The following SLC5A4 variants were observed in gnomAD, a reference collection of about 807,000 sequenced individuals.
The protein encoded by SLC5A4 is solute carrier family 5 member 4.
In SLC5A4, 55 loss-of-function variants were observed where a neutral mutation model predicts 70.3. The ratio of observed to expected loss-of-function variants is 0.78; its 90% CI spans 0.63 to 0.98. The LOEUF (loss-of-function observed/expected upper bound fraction) is 0.98. Among genes scored for constraint, SLC5A4 ranks in the 50% least tolerant of loss-of-function variants. The probability of loss-of-function intolerance (pLI) is 0.00; values close to 1 mark genes in which losing one functional copy is unlikely to be tolerated. For synonymous variants in SLC5A4, 268 were observed against 305.7 expected (o/e 0.88, Z 1.29); for missense variants, 735 against 839.2 (o/e 0.88, Z 1.53).
chr22:32,257,031 G>A (rs1003421876), upstream of SLC5A4, among the ~76,000 whole-genome samples: 8 of 152,202 alleles, frequency 5.3e-5, no homozygotes, highest in Non-Finnish European at 1.0e-4. Flanking sequence ...TCTTTCCACA[G>A]TGCATAGGAG....
At chr22:32,282,131 C>T in the SLC5A4 span, among the ~76,000 whole-genome samples, 18 of 152,348 alleles carry the variant, frequency 1.2e-4, 1 homozygote, top group East Asian at 3.9e-4. Flanking sequence ...GTGTGAGCCA[C>T]GGCGCTCGGC....
At chr22:32,278,129 C>A in the SLC5A4 span, among the ~76,000 whole-genome samples, 1 of 152,170 alleles carries the variant, frequency 6.6e-6, no homozygotes, top group Non-Finnish European at 1.5e-5. Flanking sequence ...TGTGAAAAGA[C>A]TTTGAGAACA....
At chr22:32,270,448 G>C in the SLC5A4 span, 5 of 1,173,438 alleles carry the variant, frequency 4.3e-6, no homozygotes, top group South Asian at 5.3e-5. Flanking sequence ...GGAGGAGAAA[G>C]AGAATCCCAA....
chr22:32,321,262 G>A, the SLC5A4 span, among the ~76,000 whole-genome samples: 1 of 149,746 alleles, frequency 6.7e-6, no homozygotes, highest in African/African-American at 2.5e-5. Flanking sequence ...CTCCAGCCTG[G>A]GCAATAAGAA....
chr22:32,251,743 A>T, intron 3 of SLC5A4, 27 bp downstream of exon 3: 1 of 1,362,670 alleles, frequency 7.3e-7, no homozygotes, highest in Non-Finnish European at 1.1e-6. Context: ...TTTTGATTTG[A>T]AGGAAAAAGC....
At chr22:32,292,313 T>C in the SLC5A4 span, among the ~76,000 whole-genome samples, 2 of 142,006 alleles carry the variant, frequency 1.4e-5, no homozygotes, top group East Asian at 2.0e-4. Flanking sequence ...TTATATATAT[T>C]TTTCTAATAT....
chr22:32,232,724 C>A (rs1345049525), intron 9 of SLC5A4, among the ~76,000 whole-genome samples, 175 bp downstream of exon 9: 1 of 152,068 alleles, frequency 6.6e-6, no homozygotes, highest in Non-Finnish European at 1.5e-5. Flanking sequence ...AGGAACAGAG[C>A]GTCCAATATG....
chr22:32,280,297 G>A, the SLC5A4 span, among the ~76,000 whole-genome samples: 1 of 152,020 alleles, frequency 6.6e-6, no homozygotes, highest in African/African-American at 2.4e-5. Flanking sequence ...GATTACAGGC[G>A]TGAGCCACCG....
chr22:32,337,370 T>C, the SLC5A4 span, among the ~76,000 whole-genome samples: 2 of 152,058 alleles, frequency 1.3e-5, no homozygotes, highest in Non-Finnish European at 2.9e-5. Flanking sequence ...CTGTCTCTAC[T>C]AAAAATACAG....
chr22:32,353,373 GT>G, the SLC5A4 span, among the ~76,000 whole-genome samples: 1 of 152,238 alleles, frequency 6.6e-6, no homozygotes, highest in African/African-American at 2.4e-5. Context: ...GTGCCCGGGG[GT>G]CCCAGGCAGT....
chr22:32,343,445 G>T, the SLC5A4 span, among the ~76,000 whole-genome samples: 1 of 152,106 alleles, frequency 6.6e-6, no homozygotes, highest in Admixed American at 6.6e-5. Flanking sequence ...AAAACAACAC[G>T]GTAAAAGCAA....
the SLC5A4 span, among the ~76,000 whole-genome samples, chr22:32,315,794 T>TA: frequency 0.014 from 1,385 of 95,904 alleles, 24 homozygotes; most frequent in African/African-American, 0.039. Context: ...CACACTTGCT[T>TA]AAAAAAAAAA....
intron 2 of SLC5A4, 82 bp downstream of exon 2, chr22:32,254,060 C>T (rs768023531): frequency 2.7e-5 from 29 of 1,089,254 alleles, no homozygotes; most frequent in African/African-American, 4.6e-5. Context: ...GGATTACAGG[C>T]GTGAGACACC....
the SLC5A4 span, among the ~76,000 whole-genome samples, chr22:32,307,751 C>T: frequency 9.2e-5 from 14 of 152,304 alleles, no homozygotes; most frequent in East Asian, 2.5e-3. Flanking sequence ...GGCTTGTCTT[C>T]CGGAGGGGAC....
chr22:32,282,094 C>T, the SLC5A4 span, among the ~76,000 whole-genome samples: 7 of 152,206 alleles, frequency 4.6e-5, no homozygotes, highest in Non-Finnish European at 8.8e-5. Context: ...CTGCCCGCCT[C>T]AGCCTCCCAA....
chr22:32,320,999 C>T, the SLC5A4 span, among the ~76,000 whole-genome samples: 3 of 152,146 alleles, frequency 2.0e-5, no homozygotes, highest in East Asian at 3.9e-4. Flanking sequence ...TTTTAAGAAA[C>T]GTTTAAGGCC....
At chr22:32,228,378 T>G (rs185474329) in intron 11 of SLC5A4, among the ~76,000 whole-genome samples, 11 of 151,942 alleles carry the variant, frequency 7.2e-5, no homozygotes, top group African/African-American at 2.7e-4. Flanking sequence ...CTATCTCTAC[T>G]AAAAATACAA....
At chr22:32,252,484 G>C (rs796168321) in intron 2 of SLC5A4, among the ~76,000 whole-genome samples, 2 of 152,278 alleles carry the variant, frequency 1.3e-5, no homozygotes, top group South Asian at 2.1e-4. Context: ...TCATTGTCTG[G>C]AACACAGCCG....
At chr22:32,341,457 C>T in the SLC5A4 span, among the ~76,000 whole-genome samples, 18 of 152,176 alleles carry the variant, frequency 1.2e-4, no homozygotes, top group Non-Finnish European at 2.4e-4. Context: ...ATGACCTTTC[C>T]CCACTTTGGT....
Sources: allele counts gnomAD v4.1 joint callset (sites outside exome capture counted in the v4.1 genomes callset), GRCh38; gene constraint gnomAD v4.1.1; transcripts MANE v1.5; gene names NCBI Gene and HGNC (gene_info 2026-07-23, HGNC 2026-07-21).